DARS1: variants seen among roughly 807,000 people sequenced by gnomAD.
DARS1 encodes the protein aspartate--tRNA ligase, cytoplasmic.
A neutral mutation model predicts 68.8 loss-of-function variants in DARS1; 51 were observed. The ratio of observed to expected loss-of-function variants is 0.74; its 90% CI spans 0.59 to 0.94. DARS1 has a LOEUF of 0.94. DARS1 is among the 40% of genes least tolerant of loss of function. The pLI, the probability that DARS1 is intolerant of heterozygous loss-of-function variation, is 0.00. For synonymous variants in DARS1, 203 were observed against 190.4 expected, an observed-to-expected ratio of 1.07 and a Z score of -0.55; for missense variants, 607 against 597.3, an observed-to-expected ratio of 1.02 and a Z score of -0.17.
chr2:135,959,163 G>A (rs970486466), intron 4 of DARS1, among the ~76,000 whole-genome samples: 1 of 151,686 alleles, frequency 6.6e-6, no homozygotes, highest in Admixed American at 6.6e-5. Flanking sequence ...CAGCTGAGGC[G>A]GGCGGATCAC....
intron 13 of DARS1, 55 bp from the exon 14 acceptor site, chr2:135,911,548 T>A: frequency 2.6e-6 from 2 of 756,096 alleles, no homozygotes; most frequent in Non-Finnish European, 4.6e-6. Flanking sequence ...TTCTATTACA[T>A]ATATACGGAA....
intron 13 of DARS1, among the ~76,000 whole-genome samples, 156 bp downstream of exon 13, chr2:135,912,330 A>T (rs530688255): frequency 3.5e-4 from 53 of 152,356 alleles, no homozygotes; most frequent in African/African-American, 1.3e-3. Flanking sequence ...TTACAATATC[A>T]TTTTGACCAG....
chr2:135,948,388 T>A (rs902540767), intron 4 of DARS1, among the ~76,000 whole-genome samples: 7 of 152,190 alleles, frequency 4.6e-5, no homozygotes, highest in African/African-American at 1.7e-4. Context: ...TGCCTCTGCA[T>A]GCAGTTGTTT....
chr2:135,911,294 T>C (rs1034780434), intron 14 of DARS1, 84 bp from the exon 15 acceptor site: 22 of 858,914 alleles, frequency 2.6e-5, no homozygotes, highest in African/African-American at 8.4e-5. Flanking sequence ...TCAATGGAGA[T>C]TTTTAAAAAG....
intron 4 of DARS1, among the ~76,000 whole-genome samples, chr2:135,955,705 T>TTTA (rs1553446835): frequency 3.5e-4 from 43 of 123,464 alleles, no homozygotes; most frequent in Admixed American, 7.2e-4. Context: ...TTTTTTTTTT[T>TTTA]AGACAGGGTC....
At chr2:135,966,657 G>A (rs1184537017) in intron 3 of DARS1, among the ~76,000 whole-genome samples, 1 of 151,966 alleles carries the variant, frequency 6.6e-6, no homozygotes, top group Admixed American at 6.6e-5. Context: ...TCAGTCTCTC[G>A]AGTAGCTGGG....
intron 5 of DARS1, among the ~76,000 whole-genome samples, chr2:135,938,795 A>T (rs1681529939): frequency 6.6e-6 from 1 of 152,188 alleles, no homozygotes; most frequent in African/African-American, 2.4e-5. Flanking sequence ...ACATTGGCTC[A>T]AAATAAAGGG....
At chr2:135,950,269 T>C (rs1309177920) in intron 4 of DARS1, among the ~76,000 whole-genome samples, 1 of 152,220 alleles carries the variant, frequency 6.6e-6, no homozygotes, top group African/African-American at 2.4e-5. Context: ...AAGGCACTCC[T>C]CTAGCTCCAA....
chr2:135,913,226 T>TC (rs1680933741), intron 12 of DARS1, among the ~76,000 whole-genome samples: 1 of 152,150 alleles, frequency 6.6e-6, no homozygotes, highest in Non-Finnish European at 1.5e-5. Context: ...TTATAGAAAC[T>TC]ATATTAAGTC....
At chr2:135,984,223 A>G (rs960067900) in intron 1 of DARS1, among the ~76,000 whole-genome samples, 1 of 152,246 alleles carries the variant, frequency 6.6e-6, no homozygotes, top group African/African-American at 2.4e-5. Flanking sequence ...ATAAAATGGC[A>G]TAACTCTGCC....
chr2:135,916,269 G>C lies in DARS1; in HGVS notation c.1063C>G (p.Leu355Val). 2 of 1,588,560 alleles carry C rather than the reference G, an allele frequency of 1.3e-6. No individual in the cohort carries two copies. The highest frequency in any genetic ancestry group is 1.7e-6 in the Non-Finnish European group (2 of 1,156,736). Residue 355 changes from leucine to valine, a missense_variant, in exon 11 of 16, where the codon CTT (leucine) becomes GTT (valine). Leu to Val is a conservative substitution (Grantham distance 32). Transcript: ENST00000264161. ...RLEYCEALAM[L>V]REAGVEMGDE... ...CCCATTTCGACTCCAGCTTCCCTAA[G>C]CATAGCCAATGCTTCACAATATTCT... is the stretch of plus-strand genomic sequence containing the variant.
rs1254958320 is a variant in DARS1, at chr2:135,985,497, A to C, written c.-29T>G. On this transcript the variant is annotated 5_prime_UTR_variant, in exon 1 of 16. Transcript: ENST00000264161. Reference sequence around the variant, plus strand: ...GACACGGAACTGGGCAGTGGACACCACCCTCCCTCGCAGGCTTCCGTAAGG... The same window carrying C: ...GACACGGAACTGGGCAGTGGACACCCCCCTCCCTCGCAGGCTTCCGTAAGG... The C allele has an allele frequency of 6.2e-7, 1 of 1,612,802 alleles. No individual in the cohort carries two copies. The highest frequency in any genetic ancestry group is 1.1e-5 in the South Asian group (1 of 91,038).
intron 3 of DARS1, among the ~76,000 whole-genome samples, chr2:135,971,825 A>G (rs1558799560): frequency 2.6e-5 from 4 of 152,166 alleles, no homozygotes; most frequent in Admixed American, 2.6e-4. Flanking sequence ...AAAGAAATAA[A>G]AAAAAGTAAT....
At chr2:135,910,875 C>T in intron 15 of DARS1, 1 of 345,720 alleles carries the variant, frequency 2.9e-6, no homozygotes, top group Non-Finnish European at 5.4e-6. Flanking sequence ...TTAATTTGTG[C>T]TAATGCGAAT....
At chr2:135,917,408 TA>T (rs1681028312) in intron 10 of DARS1, among the ~76,000 whole-genome samples, 2 of 152,230 alleles carry the variant, frequency 1.3e-5, no homozygotes, top group Non-Finnish European at 2.9e-5. Context: ...GTTTATATTC[TA>T]TATACAGAAA....
intron 3 of DARS1, among the ~76,000 whole-genome samples, chr2:135,962,104 G>A (rs1050259799): frequency 1.3e-5 from 2 of 151,576 alleles, no homozygotes; most frequent in Non-Finnish European, 2.9e-5. Context: ...TATGAGTCTC[G>A]CATTTTTTTT....
At chr2:135,942,067 G>A (rs1253936912) in intron 5 of DARS1, among the ~76,000 whole-genome samples, 3 of 152,222 alleles carry the variant, frequency 2.0e-5, no homozygotes, top group Middle Eastern at 3.4e-3. Context: ...GACTGTAAAC[G>A]AGTTCAACCA....
chr2:135,912,661 G>A (rs939723300), intron 12 of DARS1, 95 bp from the exon 13 acceptor site: 29 of 548,128 alleles, frequency 5.3e-5, no homozygotes, highest in East Asian at 4.2e-4. Flanking sequence ...TTGGTTCTTC[G>A]TAATTACTCT....
intron 6 of DARS1, among the ~76,000 whole-genome samples, chr2:135,933,478 G>A (rs1014626921): frequency 2.0e-5 from 3 of 152,134 alleles, no homozygotes. Context: ...GAGCTGAGTG[G>A]TTAAGGCAAT....
Sources: allele counts gnomAD v4.1 joint callset (sites outside exome capture counted in the v4.1 genomes callset), GRCh38; gene constraint gnomAD v4.1.1; transcripts MANE v1.5; gene names NCBI Gene and HGNC (gene_info 2026-07-23, HGNC 2026-07-21).